The following GRIA3 variants were observed in gnomAD, a reference collection of about 807,000 sequenced individuals.
GRIA3 encodes glutamate receptor 3.
Under a neutral mutation model 63.0 loss-of-function variants are expected in GRIA3, and 3 were observed. That is an observed-to-expected ratio of 0.05 (90% CI 0.02 to 0.12). The LOEUF (loss-of-function observed/expected upper bound fraction) is 0.12. Ranked by LOEUF, GRIA3 falls within the 10% of genes least tolerant of loss-of-function variation. GRIA3 has a pLI of 1.00. For missense variants in GRIA3, 347 were observed against 700.9 expected (o/e 0.50, Z 5.70); for synonymous variants, 274 against 257.9 (o/e 1.06, Z -0.60).
chrX:123,390,542 A>C, intron 5 of GRIA3, among the ~76,000 whole-genome samples: 1 of 111,968 alleles, frequency 8.9e-6, no homozygotes, highest in Non-Finnish European at 1.9e-5. Context: ...CATCAGACTA[A>C]GTGACTAGAT....
chrX:123,431,241 G>C (rs1158467745), intron 12 of GRIA3, among the ~76,000 whole-genome samples: 1 of 112,423 alleles, frequency 8.9e-6, no homozygotes, highest in African/African-American at 3.2e-5. Flanking sequence ...CTAAGAGATA[G>C]GAATAAATAA....
chrX:123,360,696 A>AG (rs1491508522), intron 5 of GRIA3, among the ~76,000 whole-genome samples: 1 of 7,370 alleles, frequency 1.4e-4, no homozygotes, highest in African/African-American at 1.1e-3. Context: ...ACTCTGTCTC[A>AG]AAAAAAAAAA....
intron 2 of GRIA3, among the ~76,000 whole-genome samples, chrX:123,228,142 T>C (rs1315483904): frequency 3.6e-5 from 4 of 111,794 alleles, no homozygotes; most frequent in Admixed American, 1.9e-4. Flanking sequence ...ATTGTTAGCC[T>C]CTCAGCAGCC....
intron 14 of GRIA3, among the ~76,000 whole-genome samples, chrX:123,480,885 C>A (rs2147445837): frequency 9.0e-6 from 1 of 111,700 alleles, no homozygotes; most frequent in South Asian, 3.8e-4. Flanking sequence ...AACACTCTTC[C>A]CCGCCTCCTT....
At chrX:123,369,721 T>A (rs1292432884) in intron 5 of GRIA3, among the ~76,000 whole-genome samples, 4 of 112,657 alleles carry the variant, frequency 3.6e-5, no homozygotes, top group African/African-American at 1.3e-4. Flanking sequence ...TTTACCTTTT[T>A]CTTTGATCTG....
intron 4 of GRIA3, among the ~76,000 whole-genome samples, chrX:123,337,493 T>C (rs973644589): frequency 8.9e-6 from 1 of 111,963 alleles, no homozygotes; most frequent in Non-Finnish European, 1.9e-5. Flanking sequence ...ATGCGCCTGC[T>C]GAGCTTAAGA....
At chrX:123,243,751 C>T (rs2044343083) in intron 2 of GRIA3, among the ~76,000 whole-genome samples, 1 of 111,888 alleles carries the variant, frequency 8.9e-6, no homozygotes, top group Non-Finnish European at 1.9e-5. Context: ...GTTTTGCTCA[C>T]CACCATATTT....
intron 11 of GRIA3, among the ~76,000 whole-genome samples, chrX:123,419,212 A>G (rs1333767328): frequency 4.5e-5 from 5 of 111,341 alleles, no homozygotes; most frequent in Non-Finnish European, 5.7e-5. Flanking sequence ...TTTCAAGACC[A>G]GCCTGGCCAA....
chrX:123,430,198 G>C (rs2045610148), intron 12 of GRIA3, among the ~76,000 whole-genome samples: 2 of 112,247 alleles, frequency 1.8e-5, no homozygotes, highest in Non-Finnish European at 3.8e-5. Flanking sequence ...GGTTTCTAAT[G>C]CTCATCAATT....
intron 3 of GRIA3, among the ~76,000 whole-genome samples, chrX:123,290,478 C>T (rs1019225254): frequency 2.7e-5 from 3 of 110,363 alleles, no homozygotes; most frequent in Non-Finnish European, 5.7e-5. Context: ...CAGAACCAAA[C>T]AGATGAGTCC....
chrX:123,309,502 C>T (rs2044776651), intron 3 of GRIA3, among the ~76,000 whole-genome samples: 1 of 112,066 alleles, frequency 8.9e-6, no homozygotes, highest in Non-Finnish European at 1.9e-5. Flanking sequence ...AGCTAATAAA[C>T]TTCAAAGAAC....
At chrX:123,472,500 A>AT (rs1416284755) in intron 13 of GRIA3, among the ~76,000 whole-genome samples, 5 of 111,828 alleles carry the variant, frequency 4.5e-5, no homozygotes, top group Non-Finnish European at 9.4e-5. Flanking sequence ...CCAATTATGT[A>AT]TTTGAGAAAG....
At chrX:123,416,564 T>C (rs2045537571) in intron 10 of GRIA3, among the ~76,000 whole-genome samples, 1 of 112,719 alleles carries the variant, frequency 8.9e-6, no homozygotes, top group Non-Finnish European at 1.9e-5. Flanking sequence ...TAAAAAACAT[T>C]GCCTGCCTTT....
chrX:123,202,321 A>T (rs1269405781), intron 2 of GRIA3, among the ~76,000 whole-genome samples: 1 of 112,600 alleles, frequency 8.9e-6, no homozygotes, highest in Admixed American at 9.4e-5. Flanking sequence ...TCAACAGCAC[A>T]GAAGGTTATT....
chrX:123,372,374 A>G (rs2045252585), intron 5 of GRIA3, among the ~76,000 whole-genome samples: 1 of 111,818 alleles, frequency 8.9e-6, no homozygotes, highest in South Asian at 3.7e-4. Context: ...GGGATTTCAT[A>G]TAAGTTTTAG....
chrX:123,473,899 A>G (rs1412393195), intron 13 of GRIA3, among the ~76,000 whole-genome samples: 1 of 112,285 alleles, frequency 8.9e-6, no homozygotes, highest in East Asian at 2.8e-4. Context: ...CATAACCTAC[A>G]TATTTACACA....
Position 123,427,921 on chromosome X carries a change from G to C in GRIA3, c.1878-20G>C, listed in dbSNP as rs760146558. 3 of 1,144,029 alleles carry C rather than the reference G, an allele frequency of 2.6e-6. No homozygotes were observed. The highest frequency in any genetic ancestry group is 6.0e-5 in the East Asian group (2 of 33,536). The allele number at this position is 1,144,029 out of a possible 1,213,427, so 94.3% of individuals were successfully genotyped here. The stretch of plus-strand genomic sequence containing the variant: ...ATCTGGCCCCTCTGGGTCTGGATTT[G>C]TTTTTGTTTTGTTTTATAGATCACT... On this transcript the variant is annotated intron_variant, in intron 11 of 15. Coordinates refer to ENST00000620443, the MANE Select transcript of GRIA3 (RefSeq NM_007325.5).
chrX:123,366,677 C>T (rs2045212446), intron 5 of GRIA3, among the ~76,000 whole-genome samples: 1 of 111,647 alleles, frequency 9.0e-6, no homozygotes, highest in Non-Finnish European at 1.9e-5. Context: ...GAAGGCTTTC[C>T]ATGAACTGGG....
At chrX:123,439,933 C>T (rs1294278321) in intron 12 of GRIA3, among the ~76,000 whole-genome samples, 1 of 111,338 alleles carries the variant, frequency 9.0e-6, no homozygotes, top group African/African-American at 3.3e-5. Context: ...TTCTCCTCTC[C>T]TCTCCCTCTT....
Sources: gnomAD v4.1 joint callset for allele counts (sites outside exome capture counted in the v4.1 genomes callset) on GRCh38, gnomAD v4.1.1 for gene constraint, MANE v1.5 for transcripts, NCBI Gene and HGNC (gene_info 2026-07-23, HGNC 2026-07-21) for gene names.